ZNF536: variants seen among roughly 807,000 people sequenced by gnomAD.
ZNF536 encodes zinc finger protein 536.
Under a neutral mutation model 84.5 loss-of-function variants are expected in ZNF536, and 13 were observed. The observed-to-expected ratio is 0.15, with a 90% CI of 0.10 to 0.24. The LOEUF is 0.24. Among genes scored for constraint, ZNF536 ranks in the 10% least tolerant of loss-of-function variants. The pLI is 1.00. For missense variants in ZNF536, 1,536 were observed against 1,747.5 expected (o/e 0.88, Z 2.16); for synonymous variants, 811 against 742.5 (o/e 1.09, Z -1.50).
At chr19:30,387,112 A>G (rs1053916100) in intron 1 of ZNF536, among the ~76,000 whole-genome samples, 6 of 152,232 alleles carry the variant, frequency 3.9e-5, no homozygotes, top group African/African-American at 1.4e-4. Context: ...TTGGTCAAAG[A>G]TGAAGCACCG....
At chr19:30,458,811 C>T (rs1330012696) in intron 2 of ZNF536, among the ~76,000 whole-genome samples, 1 of 152,120 alleles carries the variant, frequency 6.6e-6, no homozygotes, top group Non-Finnish European at 1.5e-5. Context: ...GACCCATGTG[C>T]CTGGTGAGGG....
chr19:30,618,796 CT>C (rs1170375731), intron 1 of ZNF536, among the ~76,000 whole-genome samples: 6 of 151,088 alleles, frequency 4.0e-5, no homozygotes, highest in South Asian at 2.1e-4. Flanking sequence ...CCATAGGATT[CT>C]TTTTTTTTCC....
At chr19:30,365,858 A>ATC (rs1877912797) in intron 3 of ZNF536, among the ~76,000 whole-genome samples, 1 of 152,146 alleles carries the variant, frequency 6.6e-6, no homozygotes. Flanking sequence ...TAGCTACGAA[A>ATC]TCTCTGGTTG....
intron 1 of ZNF536, among the ~76,000 whole-genome samples, chr19:30,442,583 G>T (rs1437753603): frequency 1.3e-5 from 2 of 152,090 alleles, no homozygotes; most frequent in African/African-American, 2.4e-5. Flanking sequence ...ATTGAAGGAT[G>T]GGAAGAGCCC....
Position 30,548,286 on chromosome 19 carries a change from C to A in ZNF536, c.2667C>A (p.Asp889Glu), listed in dbSNP as rs762643407. 16 of 1,614,132 alleles carry A rather than the reference C, an allele frequency of 9.9e-6. No individual in the cohort carries two copies. The highest frequency in any genetic ancestry group is 4.0e-5 in the African/African-American group (3 of 74,950). The change falls in exon 4 of 5, where the codon GAC becomes GAA. Residue 889 changes from aspartate to glutamate, a missense_variant. Asp to Glu is a conservative substitution (Grantham distance 45). This residue lies in a region of ZNF536 where 624 missense variants were observed against 603.1 expected (regional missense o/e 1.03). Transcript: ENST00000355537. Reference protein sequence around the residue: ...EVPSDALKGTDLPSKSTHFSE... With the variant: ...EVPSDALKGTELPSKSTHFSE... ...CCTCAGATGCTCTGAAAGGCACTGACCTTCCTTCCAAAAGCACCCACTTCT... is the reference window on the plus strand; with the variant it reads ...CCTCAGATGCTCTGAAAGGCACTGAACTTCCTTCCAAAAGCACCCACTTCT...
At chr19:30,639,583 G>A (rs1245709329) in intron 1 of ZNF536, among the ~76,000 whole-genome samples, 2 of 152,180 alleles carry the variant, frequency 1.3e-5, no homozygotes, top group African/African-American at 4.8e-5. Context: ...AGGCCATTAG[G>A]CTTGCGGAAG....
At chr19:30,581,130 A>G (rs2046905716) in intron 1 of ZNF536, among the ~76,000 whole-genome samples, 1 of 152,382 alleles carries the variant, frequency 6.6e-6, no homozygotes, top group South Asian at 2.1e-4. Context: ...TAGAAAAAGA[A>G]ATAATAGTCA....
chr19:30,488,676 CA>C (rs2054388801), intron 2 of ZNF536, among the ~76,000 whole-genome samples: 1 of 151,998 alleles, frequency 6.6e-6, no homozygotes, highest in Admixed American at 6.6e-5. Context: ...GAAAGCAAGC[CA>C]GGGGCAGAGG....
chr19:30,478,325 C>T (rs1055276349), intron 2 of ZNF536, among the ~76,000 whole-genome samples: 4 of 152,064 alleles, frequency 2.6e-5, no homozygotes, highest in African/African-American at 7.2e-5. Context: ...CTGCCCCACG[C>T]GGGGTTGAGG....
chr19:30,239,593 G>A (rs1427218040), intron 1 of ZNF536, among the ~76,000 whole-genome samples: 2 of 152,202 alleles, frequency 1.3e-5, no homozygotes, highest in East Asian at 1.9e-4. Flanking sequence ...GGACCCTAAA[G>A]GGGGAGACTT....
Position 30,703,462 on chromosome 19 carries a change from C to A in ZNF536, c.170-7295C>A, listed in dbSNP as rs548247449. On this transcript the variant is annotated intron_variant, in intron 1 of 1. Transcript: ENST00000592773. ...TTCTGGCAAGAGGCCTCACCCACAT[C>A]AAATTCTATCTCACATTTGCTGAAC... 8.5e-5 allele frequency among the ~76,000 whole-genome samples: 13 copies of A among 152,296 alleles called. 1 individual carries two copies. The South Asian group carries it at 2.7e-3, about 32-fold the overall frequency.
intron 1 of ZNF536, among the ~76,000 whole-genome samples, chr19:30,649,657 C>T (rs1195856222): frequency 1.3e-5 from 2 of 151,504 alleles, no homozygotes; most frequent in Non-Finnish European, 2.9e-5. Context: ...AGCCAGTAGC[C>T]CCTTTGGGGT....
upstream of ZNF536, among the ~76,000 whole-genome samples, chr19:30,225,684 A>G (rs2022572378): frequency 1.4e-5 from 1 of 71,116 alleles, no homozygotes; most frequent in African/African-American, 6.7e-5. Flanking sequence ...AGGAAAACAA[A>G]GGTGGGGGGG....
Position 30,557,152 on chromosome 19 carries a change from T to C in ZNF536, c.3896-5T>C, listed in dbSNP as rs1358683951. ...TATTTAATAAATCTGCACATTTTCT[T>C]GCAGGTAAGTGACACTCCCTGTCCT... On this transcript the variant is annotated splice_polypyrimidine_tract_variant and splice_region_variant and intron_variant, in intron 4 of 4. Transcript: ENST00000355537. 2 of 1,613,664 alleles carry C rather than the reference T, an allele frequency of 1.2e-6. No individual in the cohort carries two copies. Among genetic ancestry groups the C allele is most frequent in the African/African-American group, 2.7e-5 (2 of 74,930 alleles).
chr19:30,484,033 C>G (rs1403784242), intron 2 of ZNF536, among the ~76,000 whole-genome samples: 1 of 152,016 alleles, frequency 6.6e-6, no homozygotes, highest in Non-Finnish European at 1.5e-5. Flanking sequence ...GAAGTCATCC[C>G]CCTGACCCCA....
chr19:30,492,651 A>G (rs1177832325), intron 2 of ZNF536, among the ~76,000 whole-genome samples: 1 of 152,238 alleles, frequency 6.6e-6, no homozygotes, highest in Non-Finnish European at 1.5e-5. Flanking sequence ...TTGACAACGT[A>G]TCCACGAGAC....
At chr19:30,646,788 C>A (rs1057313171) in intron 1 of ZNF536, among the ~76,000 whole-genome samples, 1 of 152,172 alleles carries the variant, frequency 6.6e-6, no homozygotes, top group Non-Finnish European at 1.5e-5. Context: ...CACCTGCCCT[C>A]CGACGTTACA....
At chr19:30,416,807 G>A (rs894369652) in intron 1 of ZNF536, among the ~76,000 whole-genome samples, 2 of 152,164 alleles carry the variant, frequency 1.3e-5, no homozygotes, top group Non-Finnish European at 2.9e-5. Flanking sequence ...TTCTTAGAGT[G>A]TTGGATAATA....
chr19:30,306,477 C>T (rs141904943), intron 2 of ZNF536, among the ~76,000 whole-genome samples: 137 of 152,312 alleles, frequency 9.0e-4, no homozygotes, highest in Middle Eastern at 3.4e-3. Flanking sequence ...AACACACTTA[C>T]CTCTAACACG....
Sources: gnomAD v4.1 joint callset for allele counts (sites outside exome capture counted in the v4.1 genomes callset) on GRCh38, gnomAD v4.1.1 for gene constraint, gnomAD v4.1.1 regional missense constraint, MANE v1.5 for transcripts, NCBI Gene and HGNC (gene_info 2026-07-23, HGNC 2026-07-21) for gene names.